EPB41L2: variants seen among roughly 807,000 people sequenced by gnomAD.
The protein encoded by EPB41L2 is erythrocyte membrane protein band 4.1 like 2, also known as band 4.1-like protein 2.
EPB41L2 carries 43 observed loss-of-function variants against 113.0 expected under a neutral mutation model. The ratio of observed to expected loss-of-function variants is 0.38; its 90% CI spans 0.30 to 0.49. The LOEUF (loss-of-function observed/expected upper bound fraction) is 0.49, where lower values mean the gene tolerates loss of function less well. EPB41L2 is among the 20% of genes least tolerant of loss of function. The pLI is 0.95. For missense variants in EPB41L2, 1,147 were observed against 1,223.4 expected (o/e 0.94, Z 0.93); for synonymous variants, 442 against 436.7 (o/e 1.01, Z -0.15).
At chr6:131,017,084 C>T (rs1314986174) in intron 1 of EPB41L2, among the ~76,000 whole-genome samples, 1 of 152,112 alleles carries the variant, frequency 6.6e-6, no homozygotes, top group Non-Finnish European at 1.5e-5. Context: ...CTAAACTAGG[C>T]ATCGGAAATG....
At chr6:131,008,431 C>T (rs900087887) in intron 1 of EPB41L2, among the ~76,000 whole-genome samples, 3 of 152,210 alleles carry the variant, frequency 2.0e-5, no homozygotes, top group African/African-American at 4.8e-5. Flanking sequence ...CTGCAGAAGT[C>T]GAGCTCTCAG....
chr6:130,840,835 A>G (rs1335451817), intron 19 of EPB41L2, among the ~76,000 whole-genome samples: 2 of 152,230 alleles, frequency 1.3e-5, no homozygotes, highest in Non-Finnish European at 2.9e-5. Context: ...ACTGGCAAAT[A>G]AGAGTTCACT....
chr6:131,002,725 C>T (rs1387669222), intron 1 of EPB41L2, among the ~76,000 whole-genome samples: 1 of 152,190 alleles, frequency 6.6e-6, no homozygotes, highest in Non-Finnish European at 1.5e-5. Context: ...TTCAGGTTCA[C>T]ATCAAACAAC....
At chr6:130,995,281 G>A (rs916459380) in intron 1 of EPB41L2, among the ~76,000 whole-genome samples, 2 of 152,118 alleles carry the variant, frequency 1.3e-5, no homozygotes, top group Non-Finnish European at 2.9e-5. Context: ...CTTGCAGTGA[G>A]CCGAGATCGC....
chr6:130,859,989 T>G (rs2128426412), intron 18 of EPB41L2, among the ~76,000 whole-genome samples: 1 of 152,238 alleles, frequency 6.6e-6, no homozygotes, highest in Admixed American at 6.5e-5. Flanking sequence ...GGAGCAGGTA[T>G]CTGGTTCCAG....
At chr6:130,970,422 A>T (rs899999384) in intron 1 of EPB41L2, 3 of 152,242 alleles carry the variant, frequency 2.0e-5, no homozygotes, top group Non-Finnish European at 4.4e-5. Flanking sequence ...GGAGAGGGAC[A>T]TGCTCAGTAG....
At chr6:131,045,946 CTCT>C (rs1308800243) in intron 1 of EPB41L2, among the ~76,000 whole-genome samples, 1 of 131,780 alleles carries the variant, frequency 7.6e-6, no homozygotes, top group Admixed American at 8.1e-5. Context: ...TTTTCTTTCT[CTCT>C]TTTTTTTTTT....
At chr6:130,932,444 C>T (rs892366475) in intron 3 of EPB41L2, among the ~76,000 whole-genome samples, 3 of 152,188 alleles carry the variant, frequency 2.0e-5, no homozygotes, top group Non-Finnish European at 2.9e-5. Flanking sequence ...TACCAGTACA[C>T]GTAGTTGCTT....
intron 1 of EPB41L2, among the ~76,000 whole-genome samples, chr6:131,034,685 C>T (rs796819277): frequency 1.4e-4 from 22 of 152,298 alleles, no homozygotes; most frequent in African/African-American, 4.3e-4. Flanking sequence ...CACTTATCCT[C>T]GCTTTCAAGT....
intron 14 of EPB41L2, among the ~76,000 whole-genome samples, chr6:130,875,465 C>T (rs1378871285): frequency 2.0e-5 from 3 of 152,110 alleles, no homozygotes; most frequent in African/African-American, 7.2e-5. Context: ...CGTGCTCCCC[C>T]TTGCTCACCA....
At chr6:130,989,741 A>G (rs1781397757) in intron 1 of EPB41L2, among the ~76,000 whole-genome samples, 1 of 152,198 alleles carries the variant, frequency 6.6e-6, no homozygotes, top group African/African-American at 2.4e-5. Context: ...GCCCTGAGTG[A>G]GCTCATCTTT....
At chr6:130,934,796 C>CTTTTTTTTTTT (rs34793686) in intron 3 of EPB41L2, among the ~76,000 whole-genome samples, 2 of 129,296 alleles carry the variant, frequency 1.5e-5, no homozygotes. Flanking sequence ...TTTTTGTTTT[C>CTTTTTTTTTTT]TTTTTTTTTT....
chr6:130,929,543 T>G (rs1240509034), intron 3 of EPB41L2, among the ~76,000 whole-genome samples: 1 of 152,190 alleles, frequency 6.6e-6, no homozygotes, highest in Non-Finnish European at 1.5e-5. Context: ...CAATCTTTAT[T>G]GACCCATATG....
chr6:130,898,036 C>T (rs1209845278), intron 8 of EPB41L2, among the ~76,000 whole-genome samples: 1 of 141,612 alleles, frequency 7.1e-6, no homozygotes, highest in Non-Finnish European at 1.5e-5. Context: ...AAAAAACTAA[C>T]AAAAATGATG....
intron 1 of EPB41L2, among the ~76,000 whole-genome samples, chr6:131,046,451 G>A (rs988826950): frequency 3.8e-4 from 57 of 151,974 alleles, no homozygotes; most frequent in Admixed American, 2.9e-3. Flanking sequence ...AAACAAAAGG[G>A]AAAAAACAGT....
rs555149634 is a variant in EPB41L2 at position 130,927,460 on chromosome 6, T to A, written c.706-751A>T. On this transcript the variant is annotated intron_variant, in intron 3 of 19. Coordinates refer to ENST00000337057, the MANE Select transcript of EPB41L2 (RefSeq NM_001431.4). ...AGCAGAGTGGTGACTCATCTCCAAT[T>A]AAGATGCACACCCCTGGAACAACCC... Among the ~76,000 whole-genome samples the A allele has an allele frequency of 2.0e-5, 3 of 152,192 alleles. No individual in the cohort carries two copies. The South Asian group carries it at 6.2e-4, about 32-fold the overall frequency.
chr6:130,872,347 CA>C, intron 14 of EPB41L2: 1 of 1,264,752 alleles, frequency 7.9e-7, no homozygotes, highest in Non-Finnish European at 1.0e-6. Context: ...CTTTTAGTAA[CA>C]GGGGAAACAA....
chr6:130,851,722 A>G (rs1778816972), intron 19 of EPB41L2, among the ~76,000 whole-genome samples: 1 of 152,246 alleles, frequency 6.6e-6, no homozygotes, highest in African/African-American at 2.4e-5. Context: ...ACTTCTGTTC[A>G]TCAATTTCCA....
At position 130,894,397 on chromosome 6, in the gene EPB41L2, G is replaced by A. The variant is rs1793928896; in HGVS notation, c.1434C>T (p.His478=). The A allele has an allele frequency of 1.9e-6, 3 of 1,613,782 alleles. No homozygotes were observed. Among genetic ancestry groups the A allele is most frequent in the African/African-American group, 1.3e-5 (1 of 74,878 alleles). ...ESTIGFKLPN[H]RAAKRLWKVC... ...CTTTCCATAGTCTTTTCGCTGCCCG[G>A]TGGTTTGGCAGTTTGAATCCAATGG... Residue 478 remains histidine (H), a synonymous_variant, in exon 10 of 20, where the codon CAC becomes CAT. Transcript: ENST00000337057.
Sources: gnomAD v4.1 joint callset for allele counts (sites outside exome capture counted in the v4.1 genomes callset) on GRCh38, gnomAD v4.1.1 for gene constraint, MANE v1.5 for transcripts, NCBI Gene and HGNC (gene_info 2026-07-23, HGNC 2026-07-21) for gene names.